MEIS2: variants seen among roughly 807,000 people sequenced by gnomAD.
MEIS2 encodes homeobox protein Meis2.
Under a neutral mutation model 58.6 loss-of-function variants are expected in MEIS2, and 9 were observed. The ratio of observed to expected loss-of-function variants is 0.15; its 90% CI spans 0.09 to 0.27. The LOEUF is 0.27. Ranked by LOEUF, MEIS2 falls within the 10% of genes least tolerant of loss-of-function variation. The pLI, the probability that MEIS2 is intolerant of heterozygous loss-of-function variation, is 1.00. For missense variants in MEIS2, 427 were observed against 635.0 expected (o/e 0.67, Z 3.52); for synonymous variants, 221 against 228.4 (o/e 0.97, Z 0.29).
chr15:37,072,177 A>G (rs1596071071), intron 7 of MEIS2, among the ~76,000 whole-genome samples: 1 of 152,222 alleles, frequency 6.6e-6, no homozygotes, highest in East Asian at 1.9e-4. Context: ...CACATTCTAC[A>G]AGAGTTATTT....
At chr15:37,055,851 C>T (rs980235966) in intron 7 of MEIS2, among the ~76,000 whole-genome samples, 9 of 152,168 alleles carry the variant, frequency 5.9e-5, no homozygotes, top group South Asian at 2.1e-4. Flanking sequence ...TTAGGTGCTG[C>T]GGAAGTCTTA....
chr15:36,908,489 A>T (rs1305443451), intron 9 of MEIS2, among the ~76,000 whole-genome samples: 1 of 152,242 alleles, frequency 6.6e-6, no homozygotes, highest in African/African-American at 2.4e-5. Context: ...ACAACAGACA[A>T]AAAAGCAAAC....
intron 8 of MEIS2, among the ~76,000 whole-genome samples, chr15:37,012,579 C>A (rs992654288): frequency 3.9e-5 from 6 of 152,154 alleles, no homozygotes; most frequent in African/African-American, 1.4e-4. Flanking sequence ...CCTTACCACA[C>A]TTTGCTTGTT....
chr15:36,992,581 T>C (rs1477635297), intron 8 of MEIS2, among the ~76,000 whole-genome samples: 2 of 152,178 alleles, frequency 1.3e-5, no homozygotes, highest in Non-Finnish European at 2.9e-5. Flanking sequence ...TAGATATATT[T>C]GGGAAAACTT....
At chr15:36,923,923 G>A (rs535394535) in intron 9 of MEIS2, among the ~76,000 whole-genome samples, 7 of 152,248 alleles carry the variant, frequency 4.6e-5, no homozygotes, top group South Asian at 4.1e-4. Flanking sequence ...TCAGTGAAAC[G>A]TAAGCAATGA....
chr15:37,099,387 A>T (rs1223371165), intron 1 of MEIS2, 68 bp downstream of exon 1: 4 of 1,604,496 alleles, frequency 2.5e-6, no homozygotes. Context: ...AAGGGAGAGG[A>T]GGCATCGGGA....
At chr15:36,918,139 C>T (rs1164850262) in intron 9 of MEIS2, among the ~76,000 whole-genome samples, 2 of 152,126 alleles carry the variant, frequency 1.3e-5, no homozygotes, top group East Asian at 3.8e-4. Flanking sequence ...AAAAAAAGCA[C>T]TAAGATTGGG....
chr15:36,982,749 T>A (rs1296440701), intron 8 of MEIS2, among the ~76,000 whole-genome samples: 2 of 152,168 alleles, frequency 1.3e-5, no homozygotes, highest in Non-Finnish European at 2.9e-5. Context: ...ATAATGGCTA[T>A]ACCAATTTAC....
At chr15:36,977,039 T>C (rs2059782324) in intron 8 of MEIS2, among the ~76,000 whole-genome samples, 1 of 152,100 alleles carries the variant, frequency 6.6e-6, no homozygotes, top group African/African-American at 2.4e-5. Context: ...GGCAGGAGAA[T>C]CGTTTGAACC....
At chr15:36,998,101 C>T (rs1342019708) in intron 8 of MEIS2, among the ~76,000 whole-genome samples, 1 of 152,142 alleles carries the variant, frequency 6.6e-6, no homozygotes, top group Non-Finnish European at 1.5e-5. Flanking sequence ...AGGCCATTTT[C>T]CTCACGACGG....
At chr15:36,981,390 G>A (rs180711726) in intron 8 of MEIS2, among the ~76,000 whole-genome samples, 73 of 151,856 alleles carry the variant, frequency 4.8e-4, no homozygotes, top group Admixed American at 4.1e-3. Flanking sequence ...CTCCTTTCTG[G>A]TACTTACACT....
intron 7 of MEIS2, among the ~76,000 whole-genome samples, chr15:37,049,407 T>C (rs1206377186): frequency 6.6e-6 from 1 of 152,190 alleles, no homozygotes; most frequent in Non-Finnish European, 1.5e-5. Context: ...CACTGAATTA[T>C]AAGCTTTTAA....
intron 7 of MEIS2, among the ~76,000 whole-genome samples, chr15:37,080,458 A>C (rs1020356554): frequency 6.6e-6 from 1 of 152,154 alleles, no homozygotes; most frequent in Non-Finnish European, 1.5e-5. Context: ...TACTTTGTAC[A>C]TATATTGTGT....
chr15:37,086,785 C>G (rs1892946357), intron 6 of MEIS2, among the ~76,000 whole-genome samples: 1 of 152,174 alleles, frequency 6.6e-6, no homozygotes, highest in African/African-American at 2.4e-5. Flanking sequence ...TTGTATTGAG[C>G]TACACAAGGT....
chr15:37,089,123 T>C (rs1192999237), intron 6 of MEIS2, among the ~76,000 whole-genome samples: 2 of 152,160 alleles, frequency 1.3e-5, no homozygotes, highest in African/African-American at 4.8e-5. Context: ...CACCCAGCCA[T>C]GCTTCCTTGA....
At chr15:37,013,559 C>T (rs2061239738) in intron 8 of MEIS2, among the ~76,000 whole-genome samples, 1 of 144,146 alleles carries the variant, frequency 6.9e-6, no homozygotes, top group Non-Finnish European at 1.5e-5. Flanking sequence ...GCAACAAGAG[C>T]AAAACTCCAA....
intron 7 of MEIS2, among the ~76,000 whole-genome samples, chr15:37,080,419 G>T (rs762516369): frequency 6.1e-4 from 93 of 152,016 alleles, no homozygotes; most frequent in Non-Finnish European, 9.7e-4. Flanking sequence ...GCGTTAATGG[G>T]AGCTACACAA....
intron 7 of MEIS2, among the ~76,000 whole-genome samples, chr15:37,078,090 T>C (rs1423110915): frequency 6.6e-6 from 1 of 152,140 alleles, no homozygotes; most frequent in East Asian, 1.9e-4. Flanking sequence ...CCTCTGTCTT[T>C]AGTGCAGCTA....
Position 37,083,816 on chromosome 15 carries a change from T to G in MEIS2, c.709A>C (p.Ser237Arg). The G allele has an allele frequency of 6.2e-7, 1 of 1,614,060 alleles. No homozygotes were observed. Among genetic ancestry groups the G allele is most frequent in the South Asian group, 1.1e-5 (1 of 91,074 alleles). ...CCGCTCTGGGAAGCATGGCCCCCAC[T>G]GGAGGGCCCTGGGGTGCCTGCTGAG... ...THSAGTPGPS[S>R]GGHASQSGDN... Residue 237 changes from serine (S) to arginine (R), a missense_variant, in exon 7 of 12, where the codon AGT becomes CGT. By Grantham distance (110) the Ser-to-Arg change is moderately radical. Transcript: ENST00000561208.
Sources: allele counts gnomAD v4.1 joint callset (sites outside exome capture counted in the v4.1 genomes callset), GRCh38; gene constraint gnomAD v4.1.1; transcripts MANE v1.5; gene names NCBI Gene and HGNC (gene_info 2026-07-23, HGNC 2026-07-21).